KPNA5: variants seen among roughly 807,000 people sequenced by gnomAD.
KPNA5 encodes the protein karyopherin subunit alpha 5.
Under a neutral mutation model 71.3 loss-of-function variants are expected in KPNA5, and 46 were observed. The ratio of observed to expected loss-of-function variants is 0.65; its 90% CI spans 0.51 to 0.83. KPNA5 has a LOEUF of 0.83. Among genes scored for constraint, KPNA5 ranks in the 40% least tolerant of loss-of-function variants. The pLI, the probability that KPNA5 is intolerant of heterozygous loss-of-function variation, is 0.00. For missense variants in KPNA5, 547 were observed against 628.3 expected (o/e 0.87, Z 1.38); for synonymous variants, 207 against 201.4 (o/e 1.03, Z -0.24).
chr6:116,714,965 G>A (rs928260729), intron 7 of KPNA5, among the ~76,000 whole-genome samples: 5 of 152,246 alleles, frequency 3.3e-5, no homozygotes, highest in East Asian at 1.9e-4. Context: ...AGGGGGTTGC[G>A]TAAGAGTAGG....
chr6:116,693,061 G>A (rs957222827), intron 4 of KPNA5, among the ~76,000 whole-genome samples: 23 of 152,158 alleles, frequency 1.5e-4, no homozygotes, highest in Admixed American at 6.5e-5. Context: ...CAAAGGACAT[G>A]AACTCATCCT....
chr6:116,689,463 T>C lies in KPNA5; in HGVS notation c.138+10T>C. On this transcript the variant is annotated intron_variant, in intron 2 of 13. Coordinates refer to ENST00000368564, the MANE Select transcript of KPNA5 (RefSeq NM_001366306.2). ...AAAAAGAGAAGAACAGGTAGGTGTT[T>C]TTAGCTATTTAATTTTGTTTTTTAA... is the stretch of plus-strand genomic sequence containing the variant. 1.3e-6 allele frequency: 2 copies of C among 1,542,312 alleles called. No homozygotes were observed. Among genetic ancestry groups the C allele is most frequent in the South Asian group, 1.3e-5 (1 of 77,630 alleles).
At chr6:116,688,140 G>A (rs1777665752) in intron 1 of KPNA5, among the ~76,000 whole-genome samples, 1 of 151,982 alleles carries the variant, frequency 6.6e-6, no homozygotes, top group African/African-American at 2.4e-5. Flanking sequence ...CTTTAAAATA[G>A]GATACCCATG....
rs144129030 is a variant in KPNA5 at position 116,702,056 on chromosome 6, G to C, written c.473G>C (p.Gly158Ala). 4 of 1,613,396 alleles carry C rather than the reference G, an allele frequency of 2.5e-6. No individual in the cohort carries two copies. In the African/African-American group the frequency reaches 5.3e-5, roughly 22 times the overall value. Residue 158 changes from glycine (G) to alanine (A), a missense_variant, in exon 6 of 14, where the codon GGA (glycine) becomes GCA (alanine). Transcript: ENST00000368564. ...AAWALTNIAS[G>A]TFLHTKVVIE... The stretch of plus-strand genomic sequence containing the variant: ...TGGGCATTAACAAATATAGCATCTG[G>C]AACTTTTCTGCATACCAAGGTAGTG...
At chr6:116,683,174 A>G (rs896423064) in intron 1 of KPNA5, among the ~76,000 whole-genome samples, 4 of 152,144 alleles carry the variant, frequency 2.6e-5, no homozygotes, top group African/African-American at 9.7e-5. Context: ...ACCTTTTAAA[A>G]CTTTCATTCT....
chr6:116,712,344 T>C (rs976408758), intron 7 of KPNA5, among the ~76,000 whole-genome samples: 5 of 152,236 alleles, frequency 3.3e-5, no homozygotes, highest in African/African-American at 4.8e-5. Flanking sequence ...GTCTCATTAG[T>C]GTAACTATTC....
In KPNA5 at chr6:116,722,256, C is replaced by G. The variant is rs754741368; in HGVS notation, c.887C>G (p.Ser296Cys). Residue 296 changes from serine (S) to cysteine (C), a missense_variant, in exon 9 of 14, where the codon TCT becomes TGT. Ser to Cys is a moderately radical substitution (Grantham distance 112). Transcript: ENST00000368564. ...PNDKIQAVID[S>C]GVCRRLVELL... ...GATAAAATTCAAGCAGTCATTGATT[C>G]TGGAGTCTGTCGAAGATTGGTGGAA... 1 of 1,611,570 alleles carries G rather than the reference C, an allele frequency of 6.2e-7. No individual in the cohort carries two copies. Among genetic ancestry groups the G allele is most frequent in the South Asian group, 1.1e-5 (1 of 90,444 alleles).
intron 8 of KPNA5, among the ~76,000 whole-genome samples, chr6:116,718,806 C>T (rs9489022): frequency 0.017 from 2,550 of 150,932 alleles, 73 homozygotes; most frequent in African/African-American, 0.058. Context: ...TTCACTCTGT[C>T]GCCCAGGCTG....
chr6:116,718,294 GCT>G (rs1778972919), intron 8 of KPNA5, among the ~76,000 whole-genome samples: 1 of 137,828 alleles, frequency 7.3e-6, no homozygotes, highest in African/African-American at 2.7e-5. Flanking sequence ...ATGGAGTCTC[GCT>G]CTGTCACCCA....
At chr6:116,716,104 A>G (rs918839273) in intron 7 of KPNA5, 115 bp from the exon 8 acceptor site, 87 of 705,918 alleles carry the variant, frequency 1.2e-4, no homozygotes, top group Non-Finnish European at 2.1e-5. Context: ...CTTTTTTCCT[A>G]TTTTGCTAGT....
At position 116,692,172 on chromosome 6, in the gene KPNA5, A is replaced by G; in HGVS notation, c.240+16A>G. 4.5e-6 allele frequency: 7 copies of G among 1,543,156 alleles called. 1 individual carries two copies. In the African/African-American group the frequency reaches 6.8e-5, roughly 15 times the overall value. On this transcript the variant is annotated intron_variant, in intron 3 of 13. Transcript: ENST00000368564. Reference sequence around the variant, plus strand: ...CATTCCAGAGGTATACTTTACCAAAATATGTTTCAAATTATACCTCAATAA... The same window carrying G: ...CATTCCAGAGGTATACTTTACCAAAGTATGTTTCAAATTATACCTCAATAA...
intron 13 of KPNA5, among the ~76,000 whole-genome samples, chr6:116,729,992 A>C (rs1049623306): frequency 7.3e-5 from 11 of 150,792 alleles, no homozygotes; most frequent in African/African-American, 2.7e-4. Context: ...TCTACTTTTT[A>C]ACATTTTGGA....
chr6:116,703,830 G>A (rs1778329042), intron 6 of KPNA5, among the ~76,000 whole-genome samples: 1 of 152,050 alleles, frequency 6.6e-6, no homozygotes, highest in Non-Finnish European at 1.5e-5. Flanking sequence ...AAAGTTTATG[G>A]TGAGAATAAA....
chr6:116,727,685 G>A (rs1329780709), intron 12 of KPNA5, among the ~76,000 whole-genome samples: 1 of 152,002 alleles, frequency 6.6e-6, no homozygotes, highest in Non-Finnish European at 1.5e-5. Context: ...TCAGCACAGT[G>A]CCTAAACATA....
intron 1 of KPNA5, among the ~76,000 whole-genome samples, chr6:116,685,981 A>G (rs9481655): frequency 2.0e-5 from 3 of 152,090 alleles, no homozygotes; most frequent in Non-Finnish European, 4.4e-5. Context: ...GTCATGGCCA[A>G]TGTAGCCTTG....
intron 13 of KPNA5, among the ~76,000 whole-genome samples, chr6:116,731,445 T>C (rs746189028): frequency 3.3e-5 from 5 of 152,190 alleles, no homozygotes; most frequent in Non-Finnish European, 7.4e-5. Context: ...GCTGCTTTTT[T>C]TTCTGTGATA....
intron 6 of KPNA5, among the ~76,000 whole-genome samples, chr6:116,704,695 C>T (rs1371663508): frequency 6.6e-6 from 1 of 152,088 alleles, no homozygotes; most frequent in Non-Finnish European, 1.5e-5. Context: ...CCACCTTAGC[C>T]TCCTAAGTAG....
At chr6:116,718,823 A>G (rs893388630) in intron 8 of KPNA5, among the ~76,000 whole-genome samples, 1 of 150,088 alleles carries the variant, frequency 6.7e-6, no homozygotes, top group African/African-American at 2.5e-5. Context: ...GCTGGAGTGC[A>G]GTGGTACGAT....
At chr6:116,689,056 A>G (rs1165539223) in intron 1 of KPNA5, among the ~76,000 whole-genome samples, 1 of 152,188 alleles carries the variant, frequency 6.6e-6, no homozygotes, top group Non-Finnish European at 1.5e-5. Flanking sequence ...AGGTTGTTGC[A>G]TCTTAGAATC....
Sources: allele counts gnomAD v4.1 joint callset (sites outside exome capture counted in the v4.1 genomes callset), GRCh38; gene constraint gnomAD v4.1.1; transcripts MANE v1.5; gene names NCBI Gene and HGNC (gene_info 2026-07-23, HGNC 2026-07-21).